The following DOK6 variants were observed in gnomAD, a reference collection of about 807,000 sequenced individuals.
DOK6 encodes downstream of tyrosine kinase 6.
Under a neutral mutation model 44.0 loss-of-function variants are expected in DOK6, and 22 were observed. The observed-to-expected ratio is 0.50, with a 90% confidence interval of 0.36 to 0.71. The LOEUF is 0.71. Ranked by LOEUF, DOK6 falls within the 30% of genes least tolerant of loss-of-function variation. The pLI is 0.00. For missense variants in DOK6, 340 were observed against 416.4 expected, an observed-to-expected ratio of 0.82 and a Z score of 1.60; for synonymous variants, 166 against 145.5, an observed-to-expected ratio of 1.14 and a Z score of -1.01.
chr18:69,734,393 CAAAAAAAAAAAA>C (rs60831756), intron 5 of DOK6, among the ~76,000 whole-genome samples: 6 of 48,514 alleles, frequency 1.2e-4, no homozygotes, highest in South Asian at 1.4e-3. Context: ...TTCATAGCAG[CAAAAAAAAAAAA>C]AAAAAAAAAA....
intron 1 of DOK6, among the ~76,000 whole-genome samples, chr18:69,552,972 A>G (rs543013441): frequency 6.6e-6 from 1 of 152,254 alleles, no homozygotes; most frequent in Non-Finnish European, 1.5e-5. Context: ...TTTTCTCTGG[A>G]TGGTAGTGGA....
intron 7 of DOK6, among the ~76,000 whole-genome samples, chr18:69,827,787 C>G (rs570552793): frequency 3.6e-4 from 54 of 152,064 alleles, no homozygotes; most frequent in Middle Eastern, 3.4e-3. Context: ...ATAATTTTGT[C>G]TATACTATTT....
At chr18:69,655,469 A>C (rs1428407065) in intron 3 of DOK6, among the ~76,000 whole-genome samples, 1 of 152,016 alleles carries the variant, frequency 6.6e-6, no homozygotes, top group Admixed American at 6.6e-5. Context: ...ATGCAGCACA[A>C]AGGTTGGGCG....
chr18:69,500,620 A>C (rs1397044977), intron 1 of DOK6, among the ~76,000 whole-genome samples: 1 of 152,162 alleles, frequency 6.6e-6, no homozygotes, highest in Admixed American at 6.6e-5. Flanking sequence ...TTATTGAGTG[A>C]ATACTTTGCT....
chr18:69,687,918 A>ATCTAG (rs1316442820), intron 4 of DOK6, among the ~76,000 whole-genome samples: 1 of 152,204 alleles, frequency 6.6e-6, no homozygotes, highest in East Asian at 1.9e-4. Flanking sequence ...AAGAAGTATA[A>ATCTAG]TCTAGATTGT....
intron 7 of DOK6, among the ~76,000 whole-genome samples, chr18:69,762,883 C>T (rs1033940619): frequency 2.0e-5 from 3 of 152,206 alleles, no homozygotes; most frequent in African/African-American, 7.2e-5. Flanking sequence ...CTACCTTCAT[C>T]TTTGGAGAAT....
At chr18:69,404,657 C>G (rs1202463981) in intron 1 of DOK6, among the ~76,000 whole-genome samples, 1 of 152,060 alleles carries the variant, frequency 6.6e-6, no homozygotes, top group East Asian at 1.9e-4. Flanking sequence ...ATCAACATGA[C>G]TATTCACAGA....
chr18:69,514,831 C>T (rs1981471607), intron 1 of DOK6, among the ~76,000 whole-genome samples: 1 of 94,494 alleles, frequency 1.1e-5, no homozygotes, highest in African/African-American at 3.1e-5. Context: ...CTAAAGCTCT[C>T]CATATATATT....
At chr18:69,448,671 G>T (rs148779675) in intron 1 of DOK6, among the ~76,000 whole-genome samples, 2 of 152,274 alleles carry the variant, frequency 1.3e-5, no homozygotes, top group East Asian at 3.9e-4. Flanking sequence ...ACCGTGCCCA[G>T]CCCAAATTGA....
At chr18:69,827,154 C>G (rs1981764418) in intron 7 of DOK6, among the ~76,000 whole-genome samples, 1 of 152,078 alleles carries the variant, frequency 6.6e-6, no homozygotes, top group African/African-American at 2.4e-5. Flanking sequence ...GATCCAATCA[C>G]TCACTTTCTT....
At chr18:69,719,266 A>G (rs1435124910) in intron 5 of DOK6, among the ~76,000 whole-genome samples, 3 of 152,224 alleles carry the variant, frequency 2.0e-5, no homozygotes, top group African/African-American at 7.2e-5. Flanking sequence ...GATAAAAATC[A>G]TAGGAGTATT....
chr18:69,783,828 A>G (rs1397246262), intron 7 of DOK6, among the ~76,000 whole-genome samples: 1 of 152,202 alleles, frequency 6.6e-6, no homozygotes, highest in Non-Finnish European at 1.5e-5. Flanking sequence ...CAAAAAGTAT[A>G]AAATTTTAGT....
intron 1 of DOK6, among the ~76,000 whole-genome samples, chr18:69,508,266 T>G (rs924278244): frequency 6.6e-6 from 1 of 152,162 alleles, no homozygotes; most frequent in Non-Finnish European, 1.5e-5. Context: ...TGCTGCTATT[T>G]TATGGAGTTT....
intron 2 of DOK6, among the ~76,000 whole-genome samples, chr18:69,574,352 T>G (rs1238851791): frequency 6.6e-6 from 1 of 151,978 alleles, no homozygotes; most frequent in Non-Finnish European, 1.5e-5. Context: ...GTTTTGAAAT[T>G]TTACAATCTG....
chr18:69,419,200 A>T (rs569851692), intron 1 of DOK6, among the ~76,000 whole-genome samples: 10 of 152,316 alleles, frequency 6.6e-5, no homozygotes, highest in African/African-American at 1.9e-4. Flanking sequence ...ATAAAGTTCA[A>T]TGCCTTTTCA....
chr18:69,483,970 A>AT (rs1342802937), intron 1 of DOK6, among the ~76,000 whole-genome samples: 2 of 151,974 alleles, frequency 1.3e-5, no homozygotes, highest in Non-Finnish European at 2.9e-5. Flanking sequence ...ACATATTTTT[A>AT]TTTTTTAAAT....
chr18:69,468,892 T>A (rs1355699344), intron 1 of DOK6, among the ~76,000 whole-genome samples: 3 of 152,196 alleles, frequency 2.0e-5, no homozygotes, highest in Non-Finnish European at 4.4e-5. Context: ...TGGAGATTTT[T>A]AAAAATAAAA....
At chr18:69,695,922 G>T (rs1379847268) in intron 4 of DOK6, among the ~76,000 whole-genome samples, 2 of 152,140 alleles carry the variant, frequency 1.3e-5, no homozygotes, top group Non-Finnish European at 2.9e-5. Context: ...TGAGGACAGG[G>T]AAAACAGAAG....
At chr18:69,830,386 G>A (rs890591133) in intron 7 of DOK6, among the ~76,000 whole-genome samples, 1 of 152,132 alleles carries the variant, frequency 6.6e-6, no homozygotes. Context: ...GATCATATGG[G>A]TAGAACCTCA....
Sources: allele counts gnomAD v4.1 joint callset (sites outside exome capture counted in the v4.1 genomes callset), GRCh38; gene constraint gnomAD v4.1.1; transcripts MANE v1.5; gene names NCBI Gene and HGNC (gene_info 2026-07-23, HGNC 2026-07-21).